Variants in PRICKLE2 observed in about 807,000 individuals in gnomAD.
PRICKLE2 encodes the protein prickle-like protein 2.
PRICKLE2 carries 21 observed loss-of-function variants against 81.4 expected under a neutral mutation model. The ratio of observed to expected loss-of-function variants is 0.26; its 90% CI spans 0.18 to 0.37. PRICKLE2 has a LOEUF of 0.37. Among genes scored for constraint, PRICKLE2 ranks in the 10% least tolerant of loss-of-function variants. PRICKLE2 has a pLI of 1.00. For synonymous variants in PRICKLE2, 456 were observed against 421.5 expected, an observed-to-expected ratio of 1.08 and a Z score of -1.00; for missense variants, 940 against 1,109.0, an observed-to-expected ratio of 0.85 and a Z score of 2.16.
chr3:64,115,539 A>G (rs1575553724), intron 7 of PRICKLE2, among the ~76,000 whole-genome samples: 1 of 152,288 alleles, frequency 6.6e-6, no homozygotes, highest in African/African-American at 2.4e-5. Flanking sequence ...AAAAAGCAGG[A>G]GTTGCAATCC....
At chr3:64,164,442 CAT>C (rs962883402) in intron 2 of PRICKLE2, among the ~76,000 whole-genome samples, 8 of 152,190 alleles carry the variant, frequency 5.3e-5, no homozygotes, top group African/African-American at 1.4e-4. Context: ...GGTATGAACA[CAT>C]GTTTTGGGAA....
rs1287591004 is a variant in PRICKLE2 at position 64,147,449 on chromosome 3, C to T, written c.1041G>A (p.Thr347=). ...TGTGCTGGTTCAGCATGGGCTCCTCCGTCTTGCCCTTGTTCTTGCCAATTT... is the reference window on the plus strand; with the variant it reads ...TGTGCTGGTTCAGCATGGGCTCCTCTGTCTTGCCCTTGTTCTTGCCAATTT... ...SAKIGKNKGK[T]EEPMLNQHSQ... is the part of the protein sequence containing the mutation. Residue 347 remains threonine (T), a synonymous_variant, in exon 7 of 8, where the codon ACG becomes ACA. Transcript: ENST00000638394. The surrounding 1 kb of genome is among the most constrained non-coding windows in gnomAD (Gnocchi z 5.0). 2.5e-6 allele frequency: 4 copies of T among 1,614,262 alleles called. No individual in the cohort carries two copies. The highest frequency in any genetic ancestry group is 1.7e-5 in the Admixed American group (1 of 60,036).
At chr3:64,172,600 T>G (rs1045392689) in intron 2 of PRICKLE2, among the ~76,000 whole-genome samples, 1 of 152,210 alleles carries the variant, frequency 6.6e-6, no homozygotes, top group African/African-American at 2.4e-5. Context: ...ATCGTGTAAC[T>G]AACAAAGAGA....
intron 2 of PRICKLE2, among the ~76,000 whole-genome samples, chr3:64,171,022 CTG>C (rs1284838769): frequency 1.3e-5 from 2 of 152,198 alleles, no homozygotes; most frequent in Non-Finnish European, 2.9e-5. Context: ...CTGGCTGACT[CTG>C]TCTCTTACCA....
chr3:64,147,245 A>G lies in PRICKLE2; in HGVS notation c.1245T>C (p.Pro415=). 1 of 1,609,100 alleles carries G rather than the reference A, an allele frequency of 6.2e-7. No individual in the cohort carries two copies. Among genetic ancestry groups the G allele is most frequent in the South Asian group, 1.1e-5 (1 of 90,620 alleles). ...NKMEQNQTQS[P]LQLLSQCNIR... ...TGTTGCACTGGCTGAGGAGCTGCAG[A>G]GGGCTCTGGGTCTGGTTCTGCTCCA... The change falls in exon 7 of 8, where the codon CCT becomes CCC. Residue 415 remains proline (P), a synonymous_variant. Transcript: ENST00000638394. The surrounding 1 kb of genome is among the most constrained non-coding windows in gnomAD (Gnocchi z 5.0).
intron 1 of PRICKLE2, 85 bp from the exon 2 acceptor site, chr3:64,199,052 C>A: frequency 7.9e-7 from 1 of 1,272,690 alleles, no homozygotes; most frequent in Non-Finnish European, 1.1e-6. Context: ...GCCCCTGGAT[C>A]CCAAACCATA....
chr3:64,212,180 T>A (rs2078799511), intron 1 of PRICKLE2, among the ~76,000 whole-genome samples: 1 of 152,208 alleles, frequency 6.6e-6, no homozygotes, highest in Admixed American at 6.5e-5. Flanking sequence ...GTGGGGTATC[T>A]AGAAAAGCTC....
At chr3:64,124,879 A>G (rs1300552220) in intron 7 of PRICKLE2, among the ~76,000 whole-genome samples, 12 of 152,200 alleles carry the variant, frequency 7.9e-5, no homozygotes. Flanking sequence ...TCTTTAGCCT[A>G]TGGATCAAGG....
intron 2 of PRICKLE2, among the ~76,000 whole-genome samples, chr3:64,249,300 C>A (rs1338598756): frequency 6.6e-6 from 1 of 152,154 alleles, no homozygotes; most frequent in Non-Finnish European, 1.5e-5. Context: ...CATGAGAACT[C>A]ACTCACTATC....
intron 7 of PRICKLE2, among the ~76,000 whole-genome samples, chr3:64,103,999 T>C (rs2076712288): frequency 6.6e-6 from 1 of 152,022 alleles, no homozygotes; most frequent in Admixed American, 6.6e-5. Flanking sequence ...AACAAATAAA[T>C]AAATAAAAAA....
At chr3:64,107,414 T>C (rs1160334055) in intron 7 of PRICKLE2, among the ~76,000 whole-genome samples, 2 of 152,112 alleles carry the variant, frequency 1.3e-5, no homozygotes, top group African/African-American at 2.4e-5. Flanking sequence ...GCAAAATGTA[T>C]GCATGCAAGT....
chr3:64,265,030 AC>A, intron 2 of PRICKLE2, among the ~76,000 whole-genome samples: 1 of 152,228 alleles, frequency 6.6e-6, no homozygotes, highest in East Asian at 1.9e-4. Context: ...TCCCTCCGCT[AC>A]CCCTACATCT....
At chr3:64,178,862 A>G (rs1188246770) in intron 2 of PRICKLE2, among the ~76,000 whole-genome samples, 1 of 152,158 alleles carries the variant, frequency 6.6e-6, no homozygotes. Flanking sequence ...CTTAATATGT[A>G]TTGTTGATTC....
At position 64,095,728 on chromosome 3, in the gene PRICKLE2, C is replaced by T. The variant is rs2076563337; in HGVS notation, c.*3323G>A. The T allele has an allele frequency of 6.6e-6, 1 of 152,118 alleles. No homozygotes were observed. The highest frequency in any genetic ancestry group is 2.4e-5 in the African/African-American group (1 of 41,414). 9.4% of individuals were successfully genotyped at this position (152,118 alleles called of 1,614,324 possible). A position where few individuals can be genotyped will look rare whatever the true frequency, so the allele number is the denominator to read the frequency against. On this transcript the variant is annotated 3_prime_UTR_variant, in exon 8 of 8. Coordinates refer to ENST00000638394, the MANE Select transcript of PRICKLE2 (RefSeq NM_198859.4). ...ACTTCCAGATCCTGTATTAGAAACA[C>T]AAAATTGCTCATTTGCTCGACTGGT...
At chr3:64,182,254 A>G (rs1040294175) in intron 2 of PRICKLE2, among the ~76,000 whole-genome samples, 2 of 152,144 alleles carry the variant, frequency 1.3e-5, no homozygotes, top group Non-Finnish European at 2.9e-5. Context: ...CTGGGAGGAC[A>G]AGGTGGAAGA....
intron 2 of PRICKLE2, among the ~76,000 whole-genome samples, chr3:64,250,743 G>A (rs116993099): frequency 3.0e-4 from 46 of 152,260 alleles, no homozygotes; most frequent in East Asian, 1.7e-3. Flanking sequence ...CATGGAGTCC[G>A]ACATGGGCTT....
At chr3:64,213,138 G>C (rs1355506452) in intron 1 of PRICKLE2, among the ~76,000 whole-genome samples, 1 of 149,882 alleles carries the variant, frequency 6.7e-6, no homozygotes. Context: ...GTGCAATGGC[G>C]CAATCTCGGC....
At chr3:64,152,998 C>A (rs1298453607) in intron 6 of PRICKLE2, among the ~76,000 whole-genome samples, 184 bp downstream of exon 6, 4 of 152,196 alleles carry the variant, frequency 2.6e-5, no homozygotes, top group African/African-American at 7.2e-5. Context: ...CCTTGATCCA[C>A]CCCTATCTGA....
chr3:64,103,216 G>C (rs185318776), intron 7 of PRICKLE2: 9 of 152,092 alleles, frequency 5.9e-5, no homozygotes, highest in Admixed American at 5.9e-4. Context: ...TATTAGGATG[G>C]GATTCTCCTG....
Sources: allele counts gnomAD v4.1 joint callset (sites outside exome capture counted in the v4.1 genomes callset), GRCh38; gene constraint gnomAD v4.1.1; non-coding constraint Gnocchi (gnomAD v3.1); transcripts MANE v1.5; gene names NCBI Gene and HGNC (gene_info 2026-07-23, HGNC 2026-07-21).